RBKS: variants seen among roughly 807,000 people sequenced by gnomAD.
The protein encoded by RBKS is ribokinase.
A neutral mutation model predicts 33.9 loss-of-function variants in RBKS; 33 were observed. The ratio of observed to expected loss-of-function variants is 0.97; its 90% CI spans 0.74 to 1.30. The LOEUF is 1.30. RBKS is among the 50% of genes most tolerant of loss of function. RBKS has a pLI of 0.00. For missense variants in RBKS, 361 were observed against 392.6 expected, an observed-to-expected ratio of 0.92 and a Z score of 0.68; for synonymous variants, 125 against 143.0, an observed-to-expected ratio of 0.87 and a Z score of 0.90.
chr2:27,801,988 A>T (rs1478796946), intron 7 of RBKS, among the ~76,000 whole-genome samples: 4 of 86,864 alleles, frequency 4.6e-5, no homozygotes, highest in African/African-American at 1.7e-4. Context: ...ATATATATAT[A>T]TATATTTTTT....
chr2:27,871,743 TA>T (rs1664215765), intron 1 of RBKS, among the ~76,000 whole-genome samples: 1 of 152,220 alleles, frequency 6.6e-6, no homozygotes, highest in South Asian at 2.1e-4. Flanking sequence ...CTTGCCACTA[TA>T]AAGTTAAGCC....
chr2:27,819,404 A>T (rs1678156736), intron 7 of RBKS, among the ~76,000 whole-genome samples: 1 of 152,146 alleles, frequency 6.6e-6, no homozygotes, highest in Admixed American at 6.5e-5. Context: ...ATACAGTCAC[A>T]TTGGGGGTTA....
intron 1 of RBKS, among the ~76,000 whole-genome samples, chr2:27,881,924 T>C (rs963909188): frequency 2.6e-5 from 4 of 152,118 alleles, no homozygotes; most frequent in Non-Finnish European, 2.9e-5. Flanking sequence ...CGACTGAAGA[T>C]GAATTAAAGA....
chr2:27,850,387 G>C (rs1663717650), intron 2 of RBKS, among the ~76,000 whole-genome samples: 1 of 152,114 alleles, frequency 6.6e-6, no homozygotes, highest in African/African-American at 2.4e-5. Context: ...ATATTCTATA[G>C]GGTTTAACAA....
intron 7 of RBKS, among the ~76,000 whole-genome samples, chr2:27,820,983 T>C (rs1303690724): frequency 1.5e-5 from 2 of 136,508 alleles, no homozygotes; most frequent in East Asian, 2.1e-4. Flanking sequence ...GAGGTTGCGG[T>C]GAGCCGAGAC....
intron 6 of RBKS, among the ~76,000 whole-genome samples, chr2:27,831,062 G>C (rs1678406345): frequency 6.6e-6 from 1 of 152,152 alleles, no homozygotes; most frequent in African/African-American, 2.4e-5. Flanking sequence ...AAAAGTTCCA[G>C]CTCTCAGCCT....
intron 1 of RBKS, among the ~76,000 whole-genome samples, chr2:27,884,102 A>G (rs1664476788): frequency 6.6e-6 from 1 of 152,136 alleles, no homozygotes; most frequent in Admixed American, 6.5e-5. Flanking sequence ...TTCCTTTTTT[A>G]GTTTTTGAAA....
chr2:27,843,264 TA>T, intron 4 of RBKS, 33 bp from the exon 5 acceptor site: 1 of 1,522,882 alleles, frequency 6.6e-7, no homozygotes, highest in Non-Finnish European at 9.0e-7. Context: ...ATATTAAAAC[TA>T]AACAAAGCCA....
At chr2:27,787,860 A>G (rs1432525986) in intron 7 of RBKS, among the ~76,000 whole-genome samples, 1 of 152,156 alleles carries the variant, frequency 6.6e-6, no homozygotes, top group Non-Finnish European at 1.5e-5. Flanking sequence ...TTAAATAAAT[A>G]TATGTGTGTG....
intron 5 of RBKS, among the ~76,000 whole-genome samples, chr2:27,833,536 AG>A (rs933896642): frequency 4.6e-5 from 7 of 152,146 alleles, no homozygotes; most frequent in African/African-American, 1.7e-4. Context: ...GAGGGAGGAA[AG>A]TGAAGCTCAG....
chr2:27,856,832 C>T (rs1663866833), intron 2 of RBKS, among the ~76,000 whole-genome samples: 1 of 152,166 alleles, frequency 6.6e-6, no homozygotes, highest in Non-Finnish European at 1.5e-5. Context: ...TCTGATTACT[C>T]TCCAAACGCT....
At chr2:27,867,384 A>C (rs1182371786) in intron 1 of RBKS, among the ~76,000 whole-genome samples, 1 of 152,182 alleles carries the variant, frequency 6.6e-6, no homozygotes, top group Non-Finnish European at 1.5e-5. Context: ...AACAGGGCAA[A>C]AGTGCTATGT....
chr2:27,862,207 C>CT (rs1382059269), intron 1 of RBKS, among the ~76,000 whole-genome samples: 1 of 152,018 alleles, frequency 6.6e-6, no homozygotes, highest in African/African-American at 2.4e-5. Context: ...GCCTCGGCCT[C>CT]CCAAAGTGTA....
intron 1 of RBKS, among the ~76,000 whole-genome samples, chr2:27,859,465 A>T (rs748798668): frequency 2.0e-5 from 3 of 152,216 alleles, no homozygotes; most frequent in Non-Finnish European, 4.4e-5. Context: ...AAAAGAATAA[A>T]AGGTTTGATC....
At chr2:27,789,869 TG>T (rs1305851263) in intron 7 of RBKS, among the ~76,000 whole-genome samples, 3 of 110,632 alleles carry the variant, frequency 2.7e-5, no homozygotes, top group African/African-American at 1.3e-4. Flanking sequence ...GGCCAGCTGA[TG>T]TGTGTGTGTG....
At chr2:27,864,133 C>A (rs533098474) in intron 1 of RBKS, among the ~76,000 whole-genome samples, 1 of 152,036 alleles carries the variant, frequency 6.6e-6, no homozygotes, top group South Asian at 2.1e-4. Flanking sequence ...CTCAAGCAAT[C>A]CTCCTGCCTT....
rs183845241 is a variant in RBKS at position 27,844,174 on chromosome 2, C to T, written c.350-943G>A. On this transcript the variant is annotated intron_variant, in intron 4 of 7. Coordinates refer to ENST00000302188, the MANE Select transcript of RBKS (RefSeq NM_022128.3). ...ACTTAGGAGCCTGAGGCGTGAGAGTCGCTTAAACCTGGGAGGCGGAGGTAG... is the reference window on the plus strand; with the variant it reads ...ACTTAGGAGCCTGAGGCGTGAGAGTTGCTTAAACCTGGGAGGCGGAGGTAG... 2.6e-3 allele frequency among the ~76,000 whole-genome samples: 390 copies of T among 149,952 alleles called. 1 individual carries two copies. The highest frequency in any genetic ancestry group is 9.0e-3 in the African/African-American group (365 of 40,704).
At position 27,881,408 on chromosome 2, in the gene RBKS, G is replaced by C. The variant is rs890365257; in HGVS notation, c.89+8849C>G. ...ATACAAAAATTAGCCAGCCGTAGTG[G>C]TGTGGGCCTGTAGTCCCAGTTACTC... On this transcript the variant is annotated intron_variant, in intron 1 of 7. Transcript: ENST00000302188. Among the ~76,000 whole-genome samples the C allele has an allele frequency of 2.6e-5, 4 of 152,054 alleles. No individual in the cohort carries two copies. In the East Asian group the frequency reaches 7.7e-4, roughly 29 times the overall value.
intron 5 of RBKS, among the ~76,000 whole-genome samples, chr2:27,835,002 G>A (rs904568377): frequency 2.6e-5 from 4 of 152,140 alleles, no homozygotes; most frequent in Non-Finnish European, 4.4e-5. Flanking sequence ...TAGGCTGGGC[G>A]TGGTGGCTCA....
Sources: allele counts gnomAD v4.1 joint callset (sites outside exome capture counted in the v4.1 genomes callset), GRCh38; gene constraint gnomAD v4.1.1; transcripts MANE v1.5; gene names NCBI Gene and HGNC (gene_info 2026-07-23, HGNC 2026-07-21).